LGR5: variants seen among roughly 807,000 people sequenced by gnomAD.
The protein encoded by LGR5 is leucine rich repeat containing G protein-coupled receptor 5, also known as leucine-rich repeat-containing G protein-coupled receptor 5.
In LGR5, 54 loss-of-function variants were observed where a neutral mutation model predicts 76.7. The observed-to-expected ratio is 0.70, with a 90% confidence interval of 0.57 to 0.88. The LOEUF (loss-of-function observed/expected upper bound fraction) is 0.88. LGR5 is among the 40% of genes least tolerant of loss of function. The pLI is 0.00. For missense variants in LGR5, 1,078 were observed against 1,073.3 expected, an observed-to-expected ratio of 1.00 and a Z score of -0.06; for synonymous variants, 406 against 421.9, an observed-to-expected ratio of 0.96 and a Z score of 0.46.
chr12:71,582,956 G>A (rs73339890), intron 17 of LGR5, among the ~76,000 whole-genome samples: 5,189 of 147,528 alleles, frequency 0.035, 194 homozygotes, highest in African/African-American at 0.1. Flanking sequence ...AAGGAAGGAA[G>A]GAAGGAAGAA....
At chr12:71,493,939 T>C (rs1874193593) in intron 1 of LGR5, among the ~76,000 whole-genome samples, 1 of 145,068 alleles carries the variant, frequency 6.9e-6, no homozygotes, top group Non-Finnish European at 1.5e-5. Context: ...CAGCTAATTT[T>C]TTGATTTTTT....
At chr12:71,460,391 G>GT (rs775949251) in intron 1 of LGR5, among the ~76,000 whole-genome samples, 2 of 152,116 alleles carry the variant, frequency 1.3e-5, no homozygotes, top group Non-Finnish European at 2.9e-5. Flanking sequence ...CAAATAAAGC[G>GT]TAAGGTCCTT....
chr12:71,489,277 T>C (rs1200648451), intron 1 of LGR5, among the ~76,000 whole-genome samples: 1 of 152,216 alleles, frequency 6.6e-6, no homozygotes, highest in Non-Finnish European at 1.5e-5. Flanking sequence ...TGAACCATTT[T>C]ATCCATACAA....
intron 3 of LGR5, among the ~76,000 whole-genome samples, chr12:71,531,792 C>T (rs1309917762): frequency 2.0e-5 from 3 of 152,210 alleles, no homozygotes; most frequent in East Asian, 3.9e-4. Flanking sequence ...CGCTTGAACC[C>T]GGGAGGCGGA....
rs1479645099 is a variant in LGR5 at position 71,584,885 on chromosome 12, C to T, written c.*151C>T. On this transcript the variant is annotated 3_prime_UTR_variant, in exon 18 of 18. Transcript: ENST00000266674. The stretch of plus-strand genomic sequence containing the variant: ...TCAGTTAGTAAGAAAAGGCTGAAAA[C>T]CTCTTGATACTTGAGAGTGAATATA... 1 of 712,420 alleles carries T rather than the reference C, an allele frequency of 1.4e-6. No homozygotes were observed. Among genetic ancestry groups the T allele is most frequent in the Non-Finnish European group, 2.3e-6 (1 of 433,912 alleles). 44.1% of individuals were successfully genotyped at this position (712,420 alleles called of 1,614,324 possible).
intron 3 of LGR5, among the ~76,000 whole-genome samples, chr12:71,527,152 G>A (rs981955594): frequency 6.6e-6 from 1 of 152,118 alleles, no homozygotes; most frequent in Admixed American, 6.5e-5. Flanking sequence ...TCAGTGTGAG[G>A]AGAGTTCAAG....
chr12:71,555,278 T>A (rs1008641857), intron 5 of LGR5, among the ~76,000 whole-genome samples: 2 of 152,164 alleles, frequency 1.3e-5, no homozygotes, highest in African/African-American at 4.8e-5. Context: ...GCTGGGTATG[T>A]GCTTTAATTT....
intron 1 of LGR5, among the ~76,000 whole-genome samples, chr12:71,464,808 C>T (rs539494084): frequency 6.6e-6 from 1 of 152,104 alleles, no homozygotes; most frequent in Non-Finnish European, 1.5e-5. Context: ...TTTTTATGTT[C>T]AGAAAACAGG....
chr12:71,503,775 T>C (rs1469837534), intron 1 of LGR5, among the ~76,000 whole-genome samples: 1 of 152,214 alleles, frequency 6.6e-6, no homozygotes, highest in African/African-American at 2.4e-5. Flanking sequence ...ACATAAAATC[T>C]GAATTGGTCT....
At chr12:71,565,422 C>CTATATATATA (rs1209363296) in intron 8 of LGR5, among the ~76,000 whole-genome samples, 231 of 13,950 alleles carry the variant, frequency 0.017, 3 homozygotes, top group Middle Eastern at 0.077. Context: ...ATCAATTGAG[C>CTATATATATA]TATATATATA....
At chr12:71,488,670 G>T (rs548938056) in intron 1 of LGR5, among the ~76,000 whole-genome samples, 2 of 152,246 alleles carry the variant, frequency 1.3e-5, no homozygotes, top group East Asian at 3.9e-4. Context: ...TCAAAGACAC[G>T]GGTCTCCTTG....
At chr12:71,546,372 A>G (rs1877166789) in intron 4 of LGR5, among the ~76,000 whole-genome samples, 1 of 152,154 alleles carries the variant, frequency 6.6e-6, no homozygotes, top group Non-Finnish European at 1.5e-5. Context: ...TCTTTGCCAC[A>G]TAGAACACAT....
intron 8 of LGR5, among the ~76,000 whole-genome samples, chr12:71,564,778 C>T (rs1795457): frequency 0.94 from 133,533 of 142,532 alleles, 63,375 homozygotes; most frequent in East Asian, 1. Flanking sequence ...GTACACACTG[C>T]ATATATACAT....
chr12:71,479,302 C>T (rs1398039998), intron 1 of LGR5, among the ~76,000 whole-genome samples: 2 of 152,130 alleles, frequency 1.3e-5, no homozygotes, highest in African/African-American at 4.8e-5. Context: ...CTGTACTATC[C>T]TCCCAAACCT....
chr12:71,505,528 A>T (rs2137305639), intron 2 of LGR5, among the ~76,000 whole-genome samples: 1 of 152,282 alleles, frequency 6.6e-6, no homozygotes, highest in Admixed American at 6.5e-5. Flanking sequence ...TCTTTTGAAA[A>T]TATTTTCTTT....
chr12:71,566,455 T>C lies in LGR5; in HGVS notation c.909T>C (p.His303=), dbSNP rs1878346810. 6.2e-7 allele frequency: 1 copy of C among 1,605,082 alleles called. No homozygotes were observed. The highest frequency in any genetic ancestry group is 8.5e-7 in the Non-Finnish European group (1 of 1,172,098). ...TTGTTGGGAGATCTGCTTTTCAACA[T>C]TTACCTGAACTAAGAACACTGTAAG... ...IQFVGRSAFQ[H]LPELRTLTLN... Residue 303 remains histidine, a synonymous_variant, in exon 9 of 18, where the codon CAT becomes CAC. Coordinates refer to ENST00000266674, the MANE Select transcript of LGR5 (RefSeq NM_003667.4).
chr12:71,523,711 A>G (rs1366349851), intron 2 of LGR5, among the ~76,000 whole-genome samples: 2 of 152,086 alleles, frequency 1.3e-5, no homozygotes, highest in Non-Finnish European at 2.9e-5. Context: ...CTTTTGCACA[A>G]TTTTTCACCT....
intron 1 of LGR5, among the ~76,000 whole-genome samples, chr12:71,454,852 A>AG (rs397718865): frequency 1.3e-5 from 2 of 151,858 alleles, no homozygotes; most frequent in African/African-American, 2.4e-5. Context: ...GAAAAAAAAA[A>AG]CACTCATTGT....
intron 1 of LGR5, chr12:71,441,584 T>A (rs922523607): frequency 6.6e-6 from 1 of 152,186 alleles, no homozygotes; most frequent in Non-Finnish European, 1.5e-5. Context: ...TAGTGATTCT[T>A]TTTCTGGAGA....
Sources: allele counts gnomAD v4.1 joint callset (sites outside exome capture counted in the v4.1 genomes callset), GRCh38; gene constraint gnomAD v4.1.1; transcripts MANE v1.5; gene names NCBI Gene and HGNC (gene_info 2026-07-23, HGNC 2026-07-21).